Variants in TBXAS1 observed in about 807,000 individuals in gnomAD.
TBXAS1 encodes the protein thromboxane A synthase 1.
Under a neutral mutation model 60.7 loss-of-function variants are expected in TBXAS1, and 48 were observed. The ratio of observed to expected loss-of-function variants is 0.79; its 90% CI spans 0.63 to 1.01. TBXAS1 has a LOEUF of 1.01. Among genes scored for constraint, TBXAS1 ranks in the 50% least tolerant of loss-of-function variants. TBXAS1 has a pLI of 0.00. For synonymous variants in TBXAS1, 287 were observed against 269.7 expected, an observed-to-expected ratio of 1.06 and a Z score of -0.63; for missense variants, 685 against 686.3, an observed-to-expected ratio of 1.00 and a Z score of 0.02.
intron 9 of TBXAS1, among the ~76,000 whole-genome samples, chr7:139,987,764 G>A (rs934356500): frequency 5.3e-5 from 8 of 152,158 alleles, no homozygotes; most frequent in African/African-American, 1.4e-4. Context: ...AGTTCCAGAC[G>A]TTTTTTGTCT....
intron 9 of TBXAS1, among the ~76,000 whole-genome samples, chr7:139,973,977 T>C (rs896641696): frequency 2.0e-5 from 3 of 152,160 alleles, no homozygotes; most frequent in African/African-American, 7.2e-5. Context: ...ATTATAAAGA[T>C]GAGAAGAGAA....
intron 3 of TBXAS1, among the ~76,000 whole-genome samples, chr7:139,909,056 C>T (rs951847572): frequency 1.3e-5 from 2 of 152,060 alleles, no homozygotes; most frequent in African/African-American, 4.8e-5. Context: ...CTGGTGTTCC[C>T]TATAGATAAT....
At chr7:139,881,733 GA>G (rs8192814) in intron 3 of TBXAS1, among the ~76,000 whole-genome samples, 32 of 148,924 alleles carry the variant, frequency 2.1e-4, no homozygotes, top group African/African-American at 6.4e-4. Context: ...GTCCCATACT[GA>G]AAAAAAAAAT....
rs752108207 is a variant in TBXAS1, at chr7:140,015,816, T to A, written c.1320T>A (p.His440Gln). Residue 440 changes from histidine (H) to glutamine (Q), a missense_variant, in exon 11 of 13, where the codon CAT (histidine) becomes CAA (glutamine). Physicochemically the swap from His to Gln is conservative, Grantham distance 24 (BLOSUM62 0). Transcript: ENST00000448866. ...VLEMAVGALHHDPEHWPSPET... is the reference protein window; with the variant it reads ...VLEMAVGALHQDPEHWPSPET... ...AGATGGCCGTGGGTGCCCTGCACCA[T>A]GACCCTGAGCACTGGCCAAGCCCGG... 1.9e-6 allele frequency: 3 copies of A among 1,613,832 alleles called. No homozygotes were observed. In the South Asian group the frequency reaches 3.3e-5, roughly 18 times the overall value.
intron 7 of TBXAS1, among the ~76,000 whole-genome samples, chr7:139,957,113 C>A (rs1288801721): frequency 2.0e-5 from 3 of 152,220 alleles, no homozygotes; most frequent in Non-Finnish European, 4.4e-5. Flanking sequence ...AAGGGAGGCA[C>A]CCACAGCAGC....
chr7:139,905,021 T>TTC (rs773116961), intron 3 of TBXAS1, among the ~76,000 whole-genome samples: 6 of 76,302 alleles, frequency 7.9e-5, no homozygotes, highest in Non-Finnish European at 1.5e-4. Flanking sequence ...CTTTCTTTCT[T>TTC]TCTTTCTTTC....
intron 5 of TBXAS1, among the ~76,000 whole-genome samples, chr7:139,952,004 A>AAGAAAGAAAG (rs1809441303): frequency 6.8e-6 from 1 of 147,618 alleles, no homozygotes; most frequent in South Asian, 2.2e-4. Flanking sequence ...GAAAGAAAGA[A>AAGAAAGAAAG]AGAAAGAAAA....
intron 9 of TBXAS1, among the ~76,000 whole-genome samples, chr7:140,003,124 CA>C (rs762640788): frequency 0.053 from 1,766 of 33,204 alleles, 13 homozygotes; most frequent in African/African-American, 0.08. Flanking sequence ...AACTCCGTCT[CA>C]AAAAAAAAAA....
At chr7:139,873,996 G>A (rs1470485885) in intron 2 of TBXAS1, among the ~76,000 whole-genome samples, 1 of 152,072 alleles carries the variant, frequency 6.6e-6, no homozygotes, top group Non-Finnish European at 1.5e-5. Context: ...AAAGAAAGCT[G>A]CTCTTTCTGT....
At chr7:139,933,064 A>G (rs1807462152) in intron 4 of TBXAS1, among the ~76,000 whole-genome samples, 1 of 152,214 alleles carries the variant, frequency 6.6e-6, no homozygotes, top group Admixed American at 6.5e-5. Flanking sequence ...TTCAAAAAAA[A>G]TAAATAAAAT....
intron 4 of TBXAS1, among the ~76,000 whole-genome samples, chr7:139,812,600 G>A (rs1308852516): frequency 6.6e-6 from 1 of 152,192 alleles, no homozygotes; most frequent in Non-Finnish European, 1.5e-5. Context: ...ATCAAAATGA[G>A]TTGAGGGGAC....
chr7:139,780,658 A>G (rs1031404192), intron 1 of TBXAS1: 11 of 154,398 alleles, frequency 7.1e-5, no homozygotes, highest in African/African-American at 2.6e-4. Flanking sequence ...GCAGACACAT[A>G]GTAGGGGTTC....
chr7:139,793,130 C>T (rs532698986), intron 4 of TBXAS1, among the ~76,000 whole-genome samples: 1 of 152,230 alleles, frequency 6.6e-6, no homozygotes, highest in South Asian at 2.1e-4. Flanking sequence ...AAAGTACTAA[C>T]TGGGCCAGGT....
chr7:140,012,273 T>G (rs76391948), intron 10 of TBXAS1, among the ~76,000 whole-genome samples: 1 of 152,094 alleles, frequency 6.6e-6, no homozygotes, highest in Non-Finnish European at 1.5e-5. Context: ...GCCAGATCTG[T>G]TGGAGTGGGA....
chr7:139,867,335 G>A (rs1373017173), intron 1 of TBXAS1, among the ~76,000 whole-genome samples: 4 of 152,204 alleles, frequency 2.6e-5, no homozygotes, highest in East Asian at 3.8e-4. Flanking sequence ...CGGAGGGGCC[G>A]GCTGGACCCT....
intron 9 of TBXAS1, among the ~76,000 whole-genome samples, chr7:139,993,476 G>T (rs1813069321): frequency 6.6e-6 from 1 of 152,212 alleles, no homozygotes; most frequent in Non-Finnish European, 1.5e-5. Flanking sequence ...AAATGCCAAA[G>T]CTTACTGCTC....
intron 11 of TBXAS1, among the ~76,000 whole-genome samples, chr7:140,016,204 T>C (rs1205448759): frequency 6.6e-6 from 1 of 151,888 alleles, no homozygotes. Flanking sequence ...GGCGGGCGCC[T>C]GTAGTCCCAG....
intron 9 of TBXAS1, among the ~76,000 whole-genome samples, chr7:139,985,768 C>G (rs546473686): frequency 1.4e-4 from 21 of 152,350 alleles, no homozygotes; most frequent in African/African-American, 5.1e-4. Flanking sequence ...ATAGCATCCC[C>G]CAATGTCCAG....
intron 4 of TBXAS1, among the ~76,000 whole-genome samples, chr7:139,808,998 G>T (rs1490476193): frequency 7.3e-6 from 1 of 136,718 alleles, no homozygotes; most frequent in Non-Finnish European, 1.6e-5. Flanking sequence ...AAAAAAAAAA[G>T]CTTGTTGATT....
Sources: gnomAD v4.1 joint callset for allele counts (sites outside exome capture counted in the v4.1 genomes callset) on GRCh38, gnomAD v4.1.1 for gene constraint, MANE v1.5 for transcripts, NCBI Gene and HGNC (gene_info 2026-07-23, HGNC 2026-07-21) for gene names.